MTMR10: variants seen among roughly 807,000 people sequenced by gnomAD.
MTMR10 encodes the protein myotubularin related protein 10.
MTMR10 carries 56 observed loss-of-function variants against 88.1 expected under a neutral mutation model. The ratio of observed to expected loss-of-function variants is 0.64; its 90% CI spans 0.51 to 0.79. MTMR10 has a LOEUF of 0.79. Ranked by LOEUF, MTMR10 falls within the 30% of genes least tolerant of loss-of-function variation. MTMR10 has a pLI of 0.00. For missense variants in MTMR10, 883 were observed against 924.7 expected (o/e 0.95, Z 0.58); for synonymous variants, 380 against 340.9 (o/e 1.11, Z -1.26).
At chr15:30,946,781 T>TA in intron 14 of MTMR10, 1 of 701,328 alleles carries the variant, frequency 1.4e-6, no homozygotes, top group East Asian at 2.7e-5. Context: ...CCTACTGACC[T>TA]AGGAAATAAA....
In MTMR10 at chr15:30,975,780, A is replaced by T. The variant is rs187707960; in HGVS notation, c.259-777T>A. ...TGACTACATGAAATATACTTACACT[A>T]AACTATTAGATCCTTAAATTTAAAA... On this transcript the variant is annotated intron_variant, in intron 3 of 15. Transcript: ENST00000435680. 7.9e-5 allele frequency among the ~76,000 whole-genome samples: 12 copies of T among 152,360 alleles called. No individual in the cohort carries two copies. In the East Asian group the frequency reaches 2.3e-3, roughly 29 times the overall value.
At chr15:30,968,925 C>G (rs1278136438) in intron 5 of MTMR10, among the ~76,000 whole-genome samples, 1 of 152,090 alleles carries the variant, frequency 6.6e-6, no homozygotes, top group African/African-American at 2.4e-5. Flanking sequence ...GGAGAAAATG[C>G]TCTTCAGTGA....
intron 9 of MTMR10, among the ~76,000 whole-genome samples, chr15:30,955,323 T>A (rs991473871): frequency 1.3e-5 from 2 of 152,166 alleles, no homozygotes; most frequent in Non-Finnish European, 2.9e-5. Flanking sequence ...CAGGCTGGAG[T>A]GCAGTGGCAC....
At chr15:30,927,565 CT>C in the MTMR10 span, 4 of 985,712 alleles carry the variant, frequency 4.1e-6, no homozygotes, top group Non-Finnish European at 4.8e-6. Flanking sequence ...CACAGCACCC[CT>C]GATCCCACTC....
At chr15:30,927,267 G>A in the MTMR10 span, 1,015 of 985,462 alleles carry the variant, frequency 1.0e-3, 10 homozygotes, top group African/African-American at 0.016. Flanking sequence ...CTGCCTGATC[G>A]TCAGTGTATT....
chr15:30,952,519 C>T (rs2063263347), intron 11 of MTMR10, among the ~76,000 whole-genome samples: 1 of 151,612 alleles, frequency 6.6e-6, no homozygotes, highest in African/African-American at 2.4e-5. Flanking sequence ...CACGAGCCAC[C>T]ATGCCTGCCT....
chr15:30,929,845 A>ATATATAAAATATAT, the MTMR10 span, among the ~76,000 whole-genome samples: 2 of 61,148 alleles, frequency 3.3e-5, no homozygotes, highest in African/African-American at 2.1e-4. Flanking sequence ...ATAATATATA[A>ATATATAAAATATAT]AATATATATC....
intron 2 of MTMR10, among the ~76,000 whole-genome samples, chr15:30,988,949 C>T (rs999129514): frequency 7.0e-6 from 1 of 142,458 alleles, no homozygotes. Context: ...GAGATCACGC[C>T]ACTGCACTCC....
chr15:30,941,268 A>G lies in MTMR10; in HGVS notation c.*202T>C, dbSNP rs1318603720. 2.0e-6 allele frequency: 3 copies of G among 1,479,742 alleles called. 1 individual carries two copies. The South Asian group carries it at 3.6e-5, about 18-fold the overall frequency. 91.7% of individuals were successfully genotyped at this position (1,479,742 alleles called of 1,614,324 possible). On this transcript the variant is annotated 3_prime_UTR_variant, in exon 16 of 16. Coordinates refer to ENST00000435680, the MANE Select transcript of MTMR10 (RefSeq NM_017762.3). ...AAGAGCCAGACCTGTAATGACAGAA[A>G]GAGGACAGGAACAAAATTTACATCT... is the stretch of plus-strand genomic sequence containing the variant.
the MTMR10 span, among the ~76,000 whole-genome samples, chr15:30,918,782 A>C: frequency 8.1e-4 from 124 of 152,340 alleles, no homozygotes; most frequent in African/African-American, 2.9e-3. Context: ...ATATTTATTA[A>C]GACATTTTTT....
At chr15:30,957,698 T>A (rs981151786) in intron 9 of MTMR10, among the ~76,000 whole-genome samples, 4 of 151,918 alleles carry the variant, frequency 2.6e-5, no homozygotes, top group African/African-American at 7.3e-5. Context: ...AGAGTGAGAC[T>A]CTGTCTCAAA....
chr15:30,955,492 A>T (rs186717369), intron 9 of MTMR10, among the ~76,000 whole-genome samples: 45 of 152,208 alleles, frequency 3.0e-4, no homozygotes, highest in African/African-American at 1.1e-3. Context: ...GGCTGGTCTC[A>T]AACTCCTGAC....
chr15:30,973,992 C>A (rs996040436), intron 5 of MTMR10, among the ~76,000 whole-genome samples: 3 of 152,154 alleles, frequency 2.0e-5, no homozygotes, highest in Non-Finnish European at 2.9e-5. Context: ...ACCTTAATTA[C>A]AGTATATCAC....
intron 12 of MTMR10, chr15:30,950,192 C>T (rs1449482266): frequency 6.6e-6 from 1 of 152,200 alleles, no homozygotes. Context: ...ACGATGAGAA[C>T]ACCCACTGGA....
rs770697622 is a variant in MTMR10, at chr15:30,974,474, A to T, written c.332-18T>A. On this transcript the variant is annotated intron_variant, in intron 4 of 15. Transcript: ENST00000435680. ...GTCGTTTACTAAAAAAGAAAAAAAA[A>T]TAGAGAAAATAAAATGCGTAACAGT... 6.6e-7 allele frequency: 1 copy of T among 1,504,364 alleles called. No individual in the cohort carries two copies. Among genetic ancestry groups the T allele is most frequent in the African/African-American group, 1.4e-5 (1 of 70,830 alleles). The allele number at this position is 1,504,364 out of a possible 1,614,324, so 93.2% of individuals were successfully genotyped here.
Position 30,939,506 on chromosome 15 carries a change from A to T in MTMR10, c.*1964T>A. ...TATGCACAATAAACTGTAGCACAAT[A>T]ATCATGATATAACAACTGTCCAGCA... On this transcript the variant is annotated 3_prime_UTR_variant, in exon 16 of 16. Coordinates refer to ENST00000435680, the MANE Select transcript of MTMR10 (RefSeq NM_017762.3). 1 of 983,306 alleles carries T rather than the reference A, an allele frequency of 1.0e-6. No homozygotes were observed. Among genetic ancestry groups the T allele is most frequent in the Non-Finnish European group, 1.2e-6 (1 of 828,010 alleles). 60.9% of individuals were successfully genotyped at this position (983,306 alleles called of 1,614,324 possible). A position where few individuals can be genotyped will look rare whatever the true frequency, so the allele number is the denominator to read the frequency against.
the MTMR10 span, among the ~76,000 whole-genome samples, chr15:30,931,586 A>C: frequency 6.6e-6 from 1 of 152,322 alleles, no homozygotes; most frequent in Non-Finnish European, 1.5e-5. Flanking sequence ...TGATCATTTG[A>C]GACGCCATTT....
At chr15:30,937,274 A>G (rs372096130), downstream of MTMR10, 220 of 1,592,468 alleles carry the variant, frequency 1.4e-4, no homozygotes, top group Non-Finnish European at 1.8e-4. Flanking sequence ...GGAATTGGGG[A>G]TATTTGGTCA....
chr15:30,961,135 T>C, intron 6 of MTMR10, 62 bp from the exon 7 acceptor site: 1 of 1,494,180 alleles, frequency 6.7e-7, no homozygotes, highest in Non-Finnish European at 8.9e-7. Context: ...TTCCCTCTTC[T>C]CTGAGCCTCC....
Sources: gnomAD v4.1 joint callset for allele counts (sites outside exome capture counted in the v4.1 genomes callset) on GRCh38, gnomAD v4.1.1 for gene constraint, MANE v1.5 for transcripts, NCBI Gene and HGNC (gene_info 2026-07-23, HGNC 2026-07-21) for gene names.